FRMPD4: variants seen among roughly 807,000 people sequenced by gnomAD.
FRMPD4 encodes the protein FERM and PDZ domain containing 4, also known as FERM and PDZ domain-containing protein 4.
A neutral mutation model predicts 94.1 loss-of-function variants in FRMPD4; 22 were observed. That is an observed-to-expected ratio of 0.23 (90% confidence interval 0.17 to 0.33). The LOEUF is 0.33. Ranked by LOEUF, FRMPD4 falls within the 10% of genes least tolerant of loss-of-function variation. The pLI is 1.00. For synonymous variants in FRMPD4, 631 were observed against 548.6 expected (o/e 1.15, Z -2.10); for missense variants, 1,111 against 1,339.9 (o/e 0.83, Z 2.67).
intron 1 of FRMPD4, among the ~76,000 whole-genome samples, chrX:11,861,773 G>A (rs1390244852): frequency 1.8e-5 from 2 of 111,806 alleles, no homozygotes; most frequent in Admixed American, 9.5e-5. Flanking sequence ...AGCATGGTGA[G>A]GATAAGAGTT....
intron 3 of FRMPD4, among the ~76,000 whole-genome samples, chrX:12,083,959 T>G (rs1052540927): frequency 8.0e-5 from 9 of 111,830 alleles, no homozygotes; most frequent in African/African-American, 2.9e-4. Context: ...GGACTTGCCT[T>G]GTCTCAGATG....
chrX:11,983,749 A>G (rs2054410048), intron 3 of FRMPD4, among the ~76,000 whole-genome samples: 1 of 112,002 alleles, frequency 8.9e-6, no homozygotes, highest in South Asian at 3.7e-4. Flanking sequence ...GGCACAAAAT[A>G]CAAGAGGACT....
chrX:12,544,180 A>G (rs1464737524), intron 2 of FRMPD4, among the ~76,000 whole-genome samples: 2 of 110,430 alleles, frequency 1.8e-5, no homozygotes, highest in Admixed American at 9.6e-5. Flanking sequence ...GCACATGTAT[A>G]CATATGTAAC....
At chrX:12,185,812 C>T (rs750636592) in intron 1 of FRMPD4, among the ~76,000 whole-genome samples, 15 of 111,245 alleles carry the variant, frequency 1.3e-4, no homozygotes, top group Non-Finnish European at 2.3e-4. Context: ...GCATATTCAC[C>T]GGAAATCATT....
intron 1 of FRMPD4, among the ~76,000 whole-genome samples, chrX:12,494,137 A>T (rs1262188684): frequency 8.9e-6 from 1 of 112,271 alleles, no homozygotes; most frequent in East Asian, 2.8e-4. Flanking sequence ...GCTATATACC[A>T]GGTACTATAC....
At chrX:12,475,272 C>G (rs1048215569) in intron 1 of FRMPD4, among the ~76,000 whole-genome samples, 1 of 112,028 alleles carries the variant, frequency 8.9e-6, no homozygotes, top group African/African-American at 3.2e-5. Context: ...GCCCTTCGTG[C>G]TAAAAACTCT....
chrX:12,166,146 C>A (rs1045460671), intron 1 of FRMPD4, among the ~76,000 whole-genome samples: 3 of 111,843 alleles, frequency 2.7e-5, no homozygotes, highest in African/African-American at 9.7e-5. Context: ...AAAGGGAATG[C>A]TTCCAGTTTT....
chrX:12,260,868 C>T (rs1423939338), intron 1 of FRMPD4, among the ~76,000 whole-genome samples: 1 of 112,218 alleles, frequency 8.9e-6, no homozygotes, highest in African/African-American at 3.2e-5. Context: ...AGATGAACTT[C>T]TCTTTTTTCT....
chrX:12,440,570 G>A (rs889094951), intron 1 of FRMPD4, among the ~76,000 whole-genome samples: 3 of 111,546 alleles, frequency 2.7e-5, no homozygotes, highest in African/African-American at 9.8e-5. Flanking sequence ...CTCAGTTAGT[G>A]ATTAAGGGGT....
intron 1 of FRMPD4, among the ~76,000 whole-genome samples, chrX:12,193,949 C>G (rs975736397): frequency 9.3e-6 from 1 of 108,086 alleles, no homozygotes; most frequent in African/African-American, 3.4e-5. Flanking sequence ...TTTTGAGGTC[C>G]GTGAATTACT....
chrX:12,334,660 T>A (rs1285654442), intron 1 of FRMPD4, among the ~76,000 whole-genome samples: 1 of 109,959 alleles, frequency 9.1e-6, no homozygotes, highest in Non-Finnish European at 1.9e-5. Context: ...AGAAGAGGTG[T>A]TTTGGCCCTT....
At chrX:12,435,191 T>G (rs34139882) in intron 1 of FRMPD4, among the ~76,000 whole-genome samples, 24,272 of 111,082 alleles carry the variant, frequency 0.22, 2,078 homozygotes, top group South Asian at 0.31. Context: ...CATTCTTCTA[T>G]TACGTACTCT....
At chrX:11,980,953 A>T (rs1009367339) in intron 3 of FRMPD4, among the ~76,000 whole-genome samples, 12 of 111,423 alleles carry the variant, frequency 1.1e-4, no homozygotes, top group African/African-American at 3.9e-4. Flanking sequence ...GGGCCATTGT[A>T]GTTTTTGTAA....
At chrX:12,450,953 GA>G (rs1261769159) in intron 1 of FRMPD4, among the ~76,000 whole-genome samples, 44 of 99,876 alleles carry the variant, frequency 4.4e-4, no homozygotes, top group East Asian at 9.4e-4. Context: ...TCTTATTCAG[GA>G]AAAAAAAAAA....
chrX:12,669,792 C>G (rs2059820431), intron 4 of FRMPD4, among the ~76,000 whole-genome samples: 1 of 111,969 alleles, frequency 8.9e-6, no homozygotes, highest in Non-Finnish European at 1.9e-5. Context: ...ATACAGGCAG[C>G]CTCTAGAAGT....
intron 3 of FRMPD4, among the ~76,000 whole-genome samples, chrX:12,096,922 A>C (rs2055210546): frequency 9.0e-6 from 1 of 111,119 alleles, no homozygotes; most frequent in African/African-American, 3.3e-5. Flanking sequence ...TTTGTTTACT[A>C]TACATGTATA....
chrX:11,886,812 A>G (rs1265843154), intron 3 of FRMPD4, among the ~76,000 whole-genome samples: 1 of 110,602 alleles, frequency 9.0e-6, no homozygotes, highest in Admixed American at 9.7e-5. Flanking sequence ...TTATATCTTA[A>G]TACCAACCCT....
intron 1 of FRMPD4, among the ~76,000 whole-genome samples, chrX:12,355,315 A>G (rs1454289552): frequency 9.0e-6 from 1 of 110,627 alleles, no homozygotes; most frequent in African/African-American, 3.3e-5. Flanking sequence ...AGCTGGGACT[A>G]CAGGCGTGTG....
At position 12,138,741 on chromosome X, in the gene FRMPD4, G is replaced by T. The variant is rs977036455; in HGVS notation, c.-231G>T. On this transcript the variant is annotated 5_prime_UTR_variant, in exon 1 of 17. Transcript: ENST00000675598. ...CTCTCCATTGAGTTTTCCTGCCTCG[G>T]GTGCCTATCAATGGTCCTGCTCGGG... 2 of 314,451 alleles carry T rather than the reference G, an allele frequency of 6.4e-6. No individual in the cohort carries two copies. The highest frequency in any genetic ancestry group is 5.4e-5 in the African/African-American group (2 of 36,698). The allele number at this position is 314,451 out of a possible 1,213,427, so 25.9% of individuals were successfully genotyped here.
Sources: allele counts gnomAD v4.1 joint callset (sites outside exome capture counted in the v4.1 genomes callset), GRCh38; gene constraint gnomAD v4.1.1; transcripts MANE v1.5; gene names NCBI Gene and HGNC (gene_info 2026-07-23, HGNC 2026-07-21).